The following AMZ1 variants were observed in gnomAD, a reference collection of about 807,000 sequenced individuals.
AMZ1 encodes the protein archaemetzincin-1.
AMZ1 carries 39 observed loss-of-function variants against 29.9 expected under a neutral mutation model. The observed-to-expected ratio is 1.30, with a 90% CI of 1.01 to 1.70. AMZ1 has a LOEUF of 1.70. Among genes scored for constraint, AMZ1 ranks in the 40% most tolerant of loss-of-function variants. The pLI, the probability that AMZ1 is intolerant of heterozygous loss-of-function variation, is 0.00. For missense variants in AMZ1, 1,041 were observed against 680.6 expected, an observed-to-expected ratio of 1.53 and a Z score of -5.89; for synonymous variants, 458 against 304.0, an observed-to-expected ratio of 1.51 and a Z score of -5.27.
Position 2,700,516 on chromosome 7 carries a change from T to C in AMZ1, c.65T>C (p.Val22Ala). Reference protein sequence around the residue: ...FGPRALKDALVSTDAALQQLY... With the variant: ...FGPRALKDALASTDAALQQLY... Reference sequence around the variant, plus strand: ...CCCCGGGCCTTGAAGGACGCTCTGGTCTCCACTGACGCAGCCCTGCAGCAG... The same window carrying C: ...CCCCGGGCCTTGAAGGACGCTCTGGCCTCCACTGACGCAGCCCTGCAGCAG... The change falls in exon 2 of 7, where the codon GTC (valine) becomes GCC (alanine). Residue 22 changes from valine (V) to alanine (A), a missense_variant. Physicochemically the swap from Val to Ala is moderately conservative, Grantham distance 64. Transcript: ENST00000683327. The C allele has an allele frequency of 6.2e-7, 1 of 1,607,410 alleles. No homozygotes were observed. The highest frequency in any genetic ancestry group is 8.5e-7 in the Non-Finnish European group (1 of 1,179,890).
rs1788899615 is a variant in AMZ1 at position 2,712,982 on chromosome 7, G to C, written c.*104G>C. On this transcript the variant is annotated 3_prime_UTR_variant, in exon 7 of 7. Coordinates refer to ENST00000683327, the MANE Select transcript of AMZ1 (RefSeq NM_001384743.1). ...TGCCAGGGATAAAGAGGAAGGGTCT[G>C]CCTGGGTGGTGGCTCAGGCCTGTCA... The C allele has an allele frequency of 2.3e-6, 3 of 1,293,060 alleles. No individual in the cohort carries two copies. Among genetic ancestry groups the C allele is most frequent in the Non-Finnish European group, 3.0e-6 (3 of 993,180 alleles). The allele number at this position is 1,293,060 out of a possible 1,614,324, so 80.1% of individuals were successfully genotyped here.
chr7:2,687,028 G>A (rs552845667), upstream of AMZ1, among the ~76,000 whole-genome samples: 51 of 149,906 alleles, frequency 3.4e-4, no homozygotes, highest in Admixed American at 3.3e-3. Flanking sequence ...ATTTCTTAAG[G>A]CTTAAAAAAA....
Position 2,716,463 on chromosome 7 carries a change from T to C in AMZ1, c.*3585T>C, listed in dbSNP as rs537504281. ...AGGGAGGGATGCCGACCTGTTAATA[T>C]TTGCTTCAGACCTTTCCCCGATGAA... On this transcript the variant is annotated 3_prime_UTR_variant, in exon 7 of 7. Transcript: ENST00000683327. 5.9e-5 allele frequency: 9 copies of C among 152,192 alleles called. No individual in the cohort carries two copies. Among genetic ancestry groups the C allele is most frequent in the African/African-American group, 1.7e-4 (7 of 41,492 alleles). The allele number at this position is 152,192 out of a possible 1,614,324, so 9.4% of individuals were successfully genotyped here. A position where few individuals can be genotyped will look rare whatever the true frequency, so the allele number is the denominator to read the frequency against.
At chr7:2,691,028 C>G (rs1451499699) in intron 1 of AMZ1, among the ~76,000 whole-genome samples, 2 of 148,284 alleles carry the variant, frequency 1.3e-5, no homozygotes, top group Non-Finnish European at 3.0e-5. Context: ...GTAGTCCCAG[C>G]TACTAGGGAG....
At chr7:2,762,625 C>G (rs368691766), upstream of AMZ1, 2 of 1,572,458 alleles carry the variant, frequency 1.3e-6, no homozygotes, top group African/African-American at 2.7e-5. Context: ...GGATAAGACC[C>G]CAATGCCATG....
intron 4 of AMZ1, among the ~76,000 whole-genome samples, chr7:2,751,229 C>A (rs967653542): frequency 6.6e-6 from 1 of 151,784 alleles, no homozygotes; most frequent in Non-Finnish European, 1.5e-5. Flanking sequence ...TCAAAAAAAA[C>A]CCCAAAGTTA....
chr7:2,744,369 G>A (rs192292032), intron 4 of AMZ1, among the ~76,000 whole-genome samples: 3,602 of 152,240 alleles, frequency 0.024, 99 homozygotes, highest in Middle Eastern at 0.075. Flanking sequence ...ACCAATATCC[G>A]CTGTTCTGCA....
rs1788128672 is a variant in AMZ1 at position 2,702,768 on chromosome 7, C to A, written c.351C>A (p.Cys117Ter). The change falls in exon 3 of 7, where the codon TGC (cysteine) becomes TGA (stop). Residue 117 changes from cysteine (C) to a stop codon, truncating the protein, a stop_gained. Coordinates refer to ENST00000683327, the MANE Select transcript of AMZ1 (RefSeq NM_001384743.1). LOFTEE classifies it high-confidence loss of function. ...PVGSSLLHQL[C>*]SCTEAFFLGL... ...GAAGCTCCCTGCTGCACCAGCTGTG[C>A]AGCTGCACAGAGGCCTTCTTCCTGG... 6.5e-7 allele frequency: 1 copy of A among 1,543,052 alleles called. No homozygotes were observed. Among genetic ancestry groups the A allele is most frequent in the Non-Finnish European group, 8.7e-7 (1 of 1,147,168 alleles).
chr7:2,754,937 C>G (rs762491947), intron 4 of AMZ1, among the ~76,000 whole-genome samples: 3 of 152,226 alleles, frequency 2.0e-5, no homozygotes, highest in Non-Finnish European at 4.4e-5. Context: ...ACACTGAAAT[C>G]TGTAACTCAG....
At chr7:2,742,587 T>G (rs1317481427) in intron 4 of AMZ1, among the ~76,000 whole-genome samples, 2 of 152,212 alleles carry the variant, frequency 1.3e-5, no homozygotes, top group South Asian at 4.1e-4. Context: ...AAGAAAGCAC[T>G]GAGTCTCGCC....
At chr7:2,758,642 G>A (rs1418372496) in intron 4 of AMZ1, among the ~76,000 whole-genome samples, 1 of 152,152 alleles carries the variant, frequency 6.6e-6, no homozygotes, top group Non-Finnish European at 1.5e-5. Flanking sequence ...AAAGGGTCTC[G>A]GGGGCCCCCA....
At chr7:2,742,234 G>C (rs565776578) in intron 4 of AMZ1, among the ~76,000 whole-genome samples, 1 of 151,934 alleles carries the variant, frequency 6.6e-6, no homozygotes, top group African/African-American at 2.4e-5. Flanking sequence ...ATTTTGGCCA[G>C]GCTGGTCTTG....
chr7:2,721,523 T>C (rs1789419904), downstream of AMZ1, among the ~76,000 whole-genome samples: 1 of 152,224 alleles, frequency 6.6e-6, no homozygotes, highest in East Asian at 1.9e-4. Context: ...GAGACCATCC[T>C]CGCTAACACG....
At chr7:2,762,994 C>T (rs1791640229), upstream of AMZ1, 6 of 1,297,218 alleles carry the variant, frequency 4.6e-6, no homozygotes, top group East Asian at 1.5e-4. Flanking sequence ...TTGTGTGCTA[C>T]TGTGGTCGCC....
Position 2,718,706 on chromosome 7 carries a change from C to G in AMZ1, c.*5828C>G, listed in dbSNP as rs1412538072. Among the ~76,000 whole-genome samples the G allele has an allele frequency of 6.6e-6, 1 of 152,238 alleles. No homozygotes were observed. The highest frequency in any genetic ancestry group is 1.9e-4 in the East Asian group (1 of 5,200). On this transcript the variant is annotated 3_prime_UTR_variant, in exon 7 of 7. Transcript: ENST00000683327. The stretch of plus-strand genomic sequence containing the variant: ...TCACGTAGGAGCTCCACTGTCCCTT[C>G]TAACAGGACAGGGCTTGTGCAGCCG...
chr7:2,705,246 C>G (rs557985503), intron 3 of AMZ1, among the ~76,000 whole-genome samples: 1 of 152,150 alleles, frequency 6.6e-6, no homozygotes. Context: ...TTCTGATGGT[C>G]CCCAGGGCTC....
intron 4 of AMZ1, among the ~76,000 whole-genome samples, chr7:2,743,077 C>A (rs1790591271): frequency 6.6e-6 from 1 of 152,092 alleles, no homozygotes; most frequent in Non-Finnish European, 1.5e-5. Flanking sequence ...ACCAGGACTG[C>A]CAAGGGGTAA....
At chr7:2,691,725 C>T (rs985774202) in intron 1 of AMZ1, among the ~76,000 whole-genome samples, 37 of 31,928 alleles carry the variant, frequency 1.2e-3, no homozygotes, top group African/African-American at 1.1e-3. Flanking sequence ...AGCAAGGCTC[C>T]GTCTCAAAAA....
rs1023619453 is a variant in AMZ1, at chr7:2,755,710, T to C, written n.551-9002T>C. On this transcript the variant is annotated intron_variant and non_coding_transcript_variant, in intron 4 of 4. Coordinates refer to the AMZ1 transcript ENST00000489665. ...CAGTCATATTTCTTTTTCTCTGATA[T>C]GTCTACCCTGCATTTCCTTTTCTTG... 1.3e-5 allele frequency among the ~76,000 whole-genome samples: 2 copies of C among 152,368 alleles called. 1 individual carries two copies. The highest frequency in any genetic ancestry group is 3.8e-4 in the East Asian group (2 of 5,196).
Sources: gnomAD v4.1 joint callset for allele counts (sites outside exome capture counted in the v4.1 genomes callset) on GRCh38, gnomAD v4.1.1 for gene constraint, MANE v1.5 for transcripts, NCBI Gene and HGNC (gene_info 2026-07-23, HGNC 2026-07-21) for gene names.